Variants in APBA1 observed in about 807,000 individuals in gnomAD.
APBA1 encodes the protein amyloid beta precursor protein binding family A member 1.
A neutral mutation model predicts 86.6 loss-of-function variants in APBA1; 55 were observed. That is an observed-to-expected ratio of 0.64 (90% CI 0.51 to 0.80). The LOEUF (loss-of-function observed/expected upper bound fraction) is 0.80, where lower values mean the gene tolerates loss of function less well. Ranked by LOEUF, APBA1 falls within the 30% of genes least tolerant of loss-of-function variation. The pLI is 0.00. For missense variants in APBA1, 1,090 were observed against 1,183.0 expected, an observed-to-expected ratio of 0.92 and a Z score of 1.15; for synonymous variants, 511 against 493.9, an observed-to-expected ratio of 1.03 and a Z score of -0.46.
At chr9:69,570,835 T>C (rs10780528) in intron 1 of APBA1, among the ~76,000 whole-genome samples, 83,934 of 152,114 alleles carry the variant, frequency 0.55, 24,323 homozygotes, top group East Asian at 0.83. Flanking sequence ...GGCGATTGAT[T>C]ACCAAAGCCT....
At position 69,604,972 on chromosome 9, in the gene APBA1, T is replaced by C. The variant is rs1373370406; in HGVS notation, c.-70+67181A>G. 3.3e-5 allele frequency among the ~76,000 whole-genome samples: 5 copies of C among 152,230 alleles called. No homozygotes were observed. In the East Asian group the frequency reaches 7.7e-4, roughly 23 times the overall value. On this transcript the variant is annotated intron_variant, in intron 1 of 12. Coordinates refer to ENST00000265381, the MANE Select transcript of APBA1 (RefSeq NM_001163.4). ...GAGGCATGACAAGGAAGGAAGAGGT[T>C]GGAATAATTTCATTCTTTTACAAGA...
chr9:69,587,668 T>C (rs1484782854), intron 1 of APBA1, among the ~76,000 whole-genome samples: 1 of 152,152 alleles, frequency 6.6e-6, no homozygotes, highest in African/African-American at 2.4e-5. Context: ...GATTCTCCAG[T>C]ACTTCCCCAC....
chr9:69,516,990 C>T lies in APBA1; in HGVS notation c.221G>A (p.Cys74Tyr). 6.3e-7 allele frequency: 1 copy of T among 1,583,524 alleles called. No homozygotes were observed. The highest frequency in any genetic ancestry group is 8.5e-7 in the Non-Finnish European group (1 of 1,171,780). The change falls in exon 2 of 13, where the codon TGC (cysteine) becomes TAC (tyrosine). Residue 74 changes from cysteine to tyrosine, a missense_variant. Cys to Tyr is a radical substitution (Grantham distance 194). Coordinates refer to ENST00000265381, the MANE Select transcript of APBA1 (RefSeq NM_001163.4). The surrounding 1 kb of genome is among the most constrained non-coding windows in gnomAD (Gnocchi z 7.3). ...LGQEEEERGECLARSASTESG... is the reference protein window; with the variant it reads ...LGQEEEERGEYLARSASTESG... ...CTCCGTGCTGGCTGAGCGCGCCAGG[C>T]ATTCCCCGCGCTCCTCTTCCTCCTG... is the stretch of plus-strand genomic sequence containing the variant.
chr9:69,447,808 C>T (rs1482702117), intron 10 of APBA1, among the ~76,000 whole-genome samples: 1 of 152,166 alleles, frequency 6.6e-6, no homozygotes, highest in Non-Finnish European at 1.5e-5. Flanking sequence ...GCATCCAGAG[C>T]ACAGACACAC....
intron 1 of APBA1, among the ~76,000 whole-genome samples, chr9:69,670,986 C>T (rs1107418): frequency 0.016 from 2,407 of 152,232 alleles, 59 homozygotes; most frequent in African/African-American, 0.05. Context: ...GGGCACCAAA[C>T]ATTTCTCCGT....
At chr9:69,637,466 A>G (rs1219928735) in intron 1 of APBA1, among the ~76,000 whole-genome samples, 1 of 152,236 alleles carries the variant, frequency 6.6e-6, no homozygotes, top group East Asian at 1.9e-4. Context: ...TGGCTGTATC[A>G]AAATATCTCA....
Position 69,661,966 on chromosome 9 carries a change from T to G in APBA1, c.-70+10187A>C, listed in dbSNP as rs1340720567. Among the ~76,000 whole-genome samples the G allele has an allele frequency of 2.6e-5, 4 of 151,900 alleles. No homozygotes were observed. In the East Asian group the frequency reaches 7.7e-4, roughly 29 times the overall value. On this transcript the variant is annotated intron_variant, in intron 1 of 12. Transcript: ENST00000265381. ...AAATAAACTTCTTTTCTTTGTAAGTTACCCAGCCTCAGGTACTCTGTTATA... is the reference window on the plus strand; with the variant it reads ...AAATAAACTTCTTTTCTTTGTAAGTGACCCAGCCTCAGGTACTCTGTTATA...
chr9:69,482,684 TGCG>T (rs1329094066), intron 2 of APBA1, among the ~76,000 whole-genome samples: 1 of 151,848 alleles, frequency 6.6e-6, no homozygotes, highest in African/African-American at 2.4e-5. Context: ...GTATGTTTAT[TGCG>T]GCATTAGTCG....
chr9:69,611,760 G>A (rs995948895), intron 1 of APBA1, among the ~76,000 whole-genome samples: 5 of 152,174 alleles, frequency 3.3e-5, no homozygotes, highest in Non-Finnish European at 7.4e-5. Context: ...GTGGGTATGT[G>A]CATTGTGTGT....
At chr9:69,486,548 G>A (rs1377788141) in intron 2 of APBA1, among the ~76,000 whole-genome samples, 2 of 152,086 alleles carry the variant, frequency 1.3e-5, no homozygotes, top group East Asian at 1.9e-4. Context: ...GTACAGTGGG[G>A]ACACAGAGGT....
At chr9:69,615,060 C>T (rs917594517) in intron 1 of APBA1, among the ~76,000 whole-genome samples, 3 of 152,010 alleles carry the variant, frequency 2.0e-5, no homozygotes, top group African/African-American at 4.8e-5. Flanking sequence ...ATTAGCTGGG[C>T]GTGGTGGTGT....
chr9:69,519,833 C>T (rs937746182), intron 1 of APBA1, among the ~76,000 whole-genome samples: 3 of 152,126 alleles, frequency 2.0e-5, no homozygotes, highest in African/African-American at 7.2e-5. Context: ...GGGTTAAAAT[C>T]GGTGAATGGT....
intron 1 of APBA1, among the ~76,000 whole-genome samples, chr9:69,596,277 G>C (rs1822226754): frequency 6.6e-6 from 1 of 152,156 alleles, no homozygotes; most frequent in South Asian, 2.1e-4. Flanking sequence ...GTGAGCCACT[G>C]TGCCTGGCAC....
intron 1 of APBA1, among the ~76,000 whole-genome samples, chr9:69,586,892 T>G (rs1283046656): frequency 1.3e-5 from 2 of 152,216 alleles, no homozygotes; most frequent in African/African-American, 4.8e-5. Flanking sequence ...AAATTCAGCC[T>G]AAAGTATGAT....
At position 69,516,842 on chromosome 9, in the gene APBA1, C is replaced by T. The variant is rs371002249; in HGVS notation, c.369G>A (p.Arg123=). The change falls in exon 2 of 13, where the codon CGG becomes CGA. Residue 123 remains arginine, a synonymous_variant. Transcript: ENST00000265381. The surrounding 1 kb of genome is among the most constrained non-coding windows in gnomAD (Gnocchi z 7.3). ...EDESAYAVQY[R]PEAEEYTEQA... ...GCTCCGTGTACTCCTCGGCCTCGGGCCGGTACTGCACAGCATAGGCGCTCT... is the reference window on the plus strand; with the variant it reads ...GCTCCGTGTACTCCTCGGCCTCGGGTCGGTACTGCACAGCATAGGCGCTCT... The T allele has an allele frequency of 1.6e-5, 26 of 1,603,474 alleles. No homozygotes were observed. Among genetic ancestry groups the T allele is most frequent in the Non-Finnish European group, 2.1e-5 (25 of 1,179,036 alleles).
chr9:69,503,726 T>G (rs1835912936), intron 2 of APBA1, among the ~76,000 whole-genome samples: 2 of 152,040 alleles, frequency 1.3e-5, no homozygotes, highest in African/African-American at 4.8e-5. Flanking sequence ...TGGCACAAAT[T>G]TATCAGGAAA....
In APBA1 at chr9:69,452,321, G is replaced by C. The variant is rs753825290; in HGVS notation, c.1789-20C>G. 1 of 1,612,938 alleles carries C rather than the reference G, an allele frequency of 6.2e-7. No homozygotes were observed. On this transcript the variant is annotated intron_variant, in intron 8 of 12. Coordinates refer to ENST00000265381, the MANE Select transcript of APBA1 (RefSeq NM_001163.4). ...CTGAGCCTGGAACAGCAGCCAGAGA[G>C]GAAAGATGGTCAGCAGGGCAGTGCA...
At chr9:69,654,982 A>C (rs948181850) in intron 1 of APBA1, among the ~76,000 whole-genome samples, 2 of 152,360 alleles carry the variant, frequency 1.3e-5, no homozygotes, top group African/African-American at 4.8e-5. Flanking sequence ...TAGATACAGA[A>C]GAAGTGTTTG....
chr9:69,437,362 C>G (rs1199114428), intron 11 of APBA1, among the ~76,000 whole-genome samples: 1 of 148,746 alleles, frequency 6.7e-6, no homozygotes, highest in African/African-American at 2.5e-5. Flanking sequence ...CTACCAGCTC[C>G]TCCTTGTACC....
Sources: gnomAD v4.1 joint callset for allele counts (sites outside exome capture counted in the v4.1 genomes callset) on GRCh38, gnomAD v4.1.1 for gene constraint, Gnocchi (gnomAD v3.1) non-coding constraint, MANE v1.5 for transcripts, NCBI Gene and HGNC (gene_info 2026-07-23, HGNC 2026-07-21) for gene names.